Variants in GPR157 observed in about 807,000 individuals in gnomAD.
The protein encoded by GPR157 is G protein-coupled receptor 157, also known as G-protein coupled receptor 157.
GPR157 carries 16 observed loss-of-function variants against 23.5 expected under a neutral mutation model. The observed-to-expected ratio is 0.68, with a 90% CI of 0.46 to 1.04. GPR157 has a LOEUF of 1.04. Among genes scored for constraint, GPR157 ranks in the 50% least tolerant of loss-of-function variants. The pLI is 0.00. For synonymous variants in GPR157, 200 were observed against 221.5 expected (o/e 0.90, Z 0.86); for missense variants, 440 against 460.7 (o/e 0.96, Z 0.41).
chr1:9,121,398 G>A (rs144946059), intron 1 of GPR157, among the ~76,000 whole-genome samples: 2,406 of 151,300 alleles, frequency 0.016, 37 homozygotes, highest in South Asian at 0.032. Context: ...AGAACTTAGG[G>A]AGGCCGAGGC....
chr1:9,108,353 C>T (rs973128486), intron 2 of GPR157, among the ~76,000 whole-genome samples: 1 of 152,208 alleles, frequency 6.6e-6, no homozygotes, highest in Non-Finnish European at 1.5e-5. Context: ...CACTTCGATC[C>T]CGTTTTTCTG....
Position 9,106,870 on chromosome 1 carries a change from A to G in GPR157, c.598-1190T>C, listed in dbSNP as rs576466135. Among the ~76,000 whole-genome samples, 4 of 152,272 alleles carry G rather than the reference A, an allele frequency of 2.6e-5. No homozygotes were observed. In the East Asian group the frequency reaches 5.8e-4, roughly 22 times the overall value. ...TCCCAGCTACTTGGGAGGCTGAGGCAGGAGAATCGCTTGAACCTGGGAGAT... is the reference window on the plus strand; with the variant it reads ...TCCCAGCTACTTGGGAGGCTGAGGCGGGAGAATCGCTTGAACCTGGGAGAT... On this transcript the variant is annotated intron_variant, in intron 2 of 3. Coordinates refer to ENST00000377411, the MANE Select transcript of GPR157 (RefSeq NM_024980.5).
intron 1 of GPR157, 21 bp from the exon 2 acceptor site, chr1:9,111,510 G>GA: frequency 6.2e-7 from 1 of 1,603,896 alleles, no homozygotes; most frequent in Non-Finnish European, 8.5e-7. Flanking sequence ...AGGAGAGAAA[G>GA]AGGCATCGGG....
chr1:9,125,209 C>CT (rs1243854488), intron 1 of GPR157, among the ~76,000 whole-genome samples: 8 of 151,494 alleles, frequency 5.3e-5, no homozygotes, highest in Non-Finnish European at 1.2e-4. Flanking sequence ...TGTTGGGTTA[C>CT]TTTTTTTTTC....
intron 2 of GPR157, among the ~76,000 whole-genome samples, chr1:9,106,408 G>A (rs565728834): frequency 4.1e-4 from 63 of 152,200 alleles, no homozygotes; most frequent in African/African-American, 1.4e-3. Context: ...TCCTCCACTC[G>A]GAGCTCTTCA....
chr1:9,116,318 A>T (rs1432601759), intron 1 of GPR157, among the ~76,000 whole-genome samples: 659 of 6,914 alleles, frequency 0.095, 23 homozygotes, highest in African/African-American at 0.13. Flanking sequence ...ATTATATATA[A>T]TATATATAAA....
At chr1:9,127,834 C>T (rs1324559261) in intron 1 of GPR157, among the ~76,000 whole-genome samples, 1 of 152,204 alleles carries the variant, frequency 6.6e-6, no homozygotes, top group African/African-American at 2.4e-5. Flanking sequence ...CCCTAGGATT[C>T]CTGCCCTCAG....
chr1:9,102,302 T>C lies in GPR157; in HGVS notation c.*2117A>G, dbSNP rs997126854. 6 of 150,576 alleles carry C rather than the reference T, an allele frequency of 4.0e-5. No individual in the cohort carries two copies. Among genetic ancestry groups the C allele is most frequent in the Non-Finnish European group, 8.8e-5 (6 of 67,846 alleles). 9.3% of individuals were successfully genotyped at this position (150,576 alleles called of 1,614,324 possible). On this transcript the variant is annotated 3_prime_UTR_variant, in exon 4 of 4. Coordinates refer to ENST00000377411, the MANE Select transcript of GPR157 (RefSeq NM_024980.5). ...GGCGCATGCCTGTAATCCCAGCAGC[T>C]TGGGATTGGGAAGCAGGAGAATCGC...
chr1:9,104,758 T>C, intron 3 of GPR157, 124 bp from the exon 4 acceptor site: 1 of 673,570 alleles, frequency 1.5e-6, no homozygotes, highest in South Asian at 1.9e-5. Flanking sequence ...CCCAGCCCTT[T>C]GGGAGGCTGA....
Position 9,111,546 on chromosome 1 carries a change from CA to C in GPR157, c.384-58del, listed in dbSNP as rs1638497659. 152 of 1,432,480 alleles carry C rather than the reference CA, an allele frequency of 1.1e-4. 3 individuals carry two copies. The South Asian group carries it at 1.6e-3, about 15-fold the overall frequency. The allele number at this position is 1,432,480 out of a possible 1,614,324, so 88.7% of individuals were successfully genotyped here. A position where few individuals can be genotyped will look rare whatever the true frequency, so the allele number is the denominator to read the frequency against. On this transcript the variant is annotated intron_variant, in intron 1 of 3. Coordinates refer to ENST00000377411, the MANE Select transcript of GPR157 (RefSeq NM_024980.5). ...GTCAGGCCATGGCTCCCGGCAATGTCAGCCTTCGCAAAAATGACGGAGGACG... is the reference window on the plus strand; with the variant it reads ...GTCAGGCCATGGCTCCCGGCAATGTCGCCTTCGCAAAAATGACGGAGGACG...
At chr1:9,127,863 G>A (rs1638998868) in intron 1 of GPR157, among the ~76,000 whole-genome samples, 3 of 152,112 alleles carry the variant, frequency 2.0e-5, no homozygotes, top group Admixed American at 6.6e-5. Context: ...AGCACAGGAC[G>A]CCATGAGATT....
chr1:9,122,448 T>C (rs1638819782), intron 1 of GPR157, among the ~76,000 whole-genome samples: 2 of 152,314 alleles, frequency 1.3e-5, no homozygotes, highest in South Asian at 4.1e-4. Context: ...GAGCCACCGT[T>C]GTCTCTCAGC....
intron 1 of GPR157, among the ~76,000 whole-genome samples, chr1:9,111,969 CA>C (rs1006413183): frequency 6.6e-6 from 1 of 151,630 alleles, no homozygotes; most frequent in Non-Finnish European, 1.5e-5. Context: ...GACTCCATCT[CA>C]AAAAAAGAAA....
In GPR157 at chr1:9,128,193, C is replaced by A. The variant is rs1185088013; in HGVS notation, c.383+452G>T. The A allele has an allele frequency of 2.2e-6, 1 of 450,374 alleles. No individual in the cohort carries two copies. The highest frequency in any genetic ancestry group is 6.6e-5 in the East Asian group (1 of 15,040). 27.9% of individuals were successfully genotyped at this position (450,374 alleles called of 1,614,324 possible). A position where few individuals can be genotyped will look rare whatever the true frequency, so the allele number is the denominator to read the frequency against. ...GCAGCTCGGGAGTGGCGGAGTGCAC[C>A]AAGCTCACTGTGGCTTGGGGTGGGG... On this transcript the variant is annotated intron_variant, in intron 1 of 3. Coordinates refer to ENST00000377411, the MANE Select transcript of GPR157 (RefSeq NM_024980.5). This position sits in a 1 kb window ranked among gnomAD's most constrained non-coding sequence, Gnocchi z 6.3.
chr1:9,104,220 C>T lies in GPR157; in HGVS notation c.*199G>A. ...CCACCCGTGGGCCAGGACGCTGGTA[C>T]CGGTGGAACTTGCTGCCTGAGGATC... is the stretch of plus-strand genomic sequence containing the variant. On this transcript the variant is annotated 3_prime_UTR_variant, in exon 4 of 4. Transcript: ENST00000377411. The T allele has an allele frequency of 1.7e-6, 1 of 580,128 alleles. No homozygotes were observed. Among genetic ancestry groups the T allele is most frequent in the Non-Finnish European group, 3.1e-6 (1 of 324,432 alleles). The allele number at this position is 580,128 out of a possible 1,614,324, so 35.9% of individuals were successfully genotyped here.
chr1:9,111,224 C>A (rs768934989), intron 2 of GPR157, 52 bp downstream of exon 2: 2 of 1,565,404 alleles, frequency 1.3e-6, no homozygotes, highest in African/African-American at 1.4e-5. Context: ...AGGCCTTGCA[C>A]CTGGGCACAG....
rs1553175764 is a variant in GPR157 at position 9,123,174 on chromosome 1, A to AAAT, written c.383+5470_383+5471insATT. 7.1e-4 allele frequency among the ~76,000 whole-genome samples: 83 copies of AAAT among 117,084 alleles called. 1 individual carries two copies. The highest frequency in any genetic ancestry group is 4.2e-3 in the Middle Eastern group (1 of 236). 76.8% of individuals were successfully genotyped at this position (117,084 alleles called of 152,430 possible). On this transcript the variant is annotated intron_variant, in intron 1 of 3. Transcript: ENST00000377411. ...ACTGTCTTGGGTGGGAAAAAAAAAA[A>AAAT]ATATATATATATATATATAAATAAA...
chr1:9,112,484 G>A (rs563065014), intron 1 of GPR157, among the ~76,000 whole-genome samples: 7 of 152,208 alleles, frequency 4.6e-5, no homozygotes, highest in African/African-American at 1.2e-4. Context: ...ACGGAGTCTC[G>A]CTCTGTCACC....
chr1:9,115,286 C>A (rs1055667061), intron 1 of GPR157, among the ~76,000 whole-genome samples: 8 of 152,112 alleles, frequency 5.3e-5, no homozygotes, highest in Non-Finnish European at 1.0e-4. Context: ...GTGAAGCATA[C>A]AATTTATAAA....
Sources: gnomAD v4.1 joint callset for allele counts (sites outside exome capture counted in the v4.1 genomes callset) on GRCh38, gnomAD v4.1.1 for gene constraint, Gnocchi (gnomAD v3.1) non-coding constraint, MANE v1.5 for transcripts, NCBI Gene and HGNC (gene_info 2026-07-23, HGNC 2026-07-21) for gene names.